Variants in HCN1 observed in about 807,000 individuals in gnomAD.
The protein encoded by HCN1 is hyperpolarization activated cyclic nucleotide gated potassium channel 1.
In HCN1, 13 loss-of-function variants were observed where a neutral mutation model predicts 78.9. The ratio of observed to expected loss-of-function variants is 0.16; its 90% CI spans 0.11 to 0.26. The LOEUF is 0.26. Among genes scored for constraint, HCN1 ranks in the 10% least tolerant of loss-of-function variants. HCN1 has a pLI of 1.00. For missense variants in HCN1, 810 were observed against 1,154.3 expected (o/e 0.70, Z 4.32); for synonymous variants, 552 against 455.5 (o/e 1.21, Z -2.70).
intron 2 of HCN1, among the ~76,000 whole-genome samples, chr5:45,635,072 C>T (rs1050078720): frequency 6.6e-5 from 10 of 151,974 alleles, no homozygotes; most frequent in Non-Finnish European, 1.0e-4. Context: ...ATCTCAGCTA[C>T]GATCCAGAAT....
intron 3 of HCN1, among the ~76,000 whole-genome samples, chr5:45,458,654 G>A (rs530053318): frequency 3.0e-4 from 46 of 152,168 alleles, no homozygotes; most frequent in South Asian, 2.9e-3. Flanking sequence ...GCACAAAACC[G>A]TCCAACATGG....
Position 45,269,848 on chromosome 5 carries a change from T to C in HCN1, c.1619-2595A>G, listed in dbSNP as rs145288822. Among the ~76,000 whole-genome samples the C allele has an allele frequency of 2.1e-3, 326 of 152,288 alleles. 1 individual carries two copies. Among genetic ancestry groups the C allele is most frequent in the African/African-American group, 7.6e-3 (314 of 41,558 alleles). On this transcript the variant is annotated intron_variant, in intron 6 of 7. Transcript: ENST00000303230. ...CTGTTGTCTCTTAACTAAGAGCCTG[T>C]TTAGTATTCTTCCAGGATACCTGCT...
At chr5:45,274,688 A>G (rs1320169097) in intron 6 of HCN1, among the ~76,000 whole-genome samples, 1 of 152,218 alleles carries the variant, frequency 6.6e-6, no homozygotes, top group Non-Finnish European at 1.5e-5. Context: ...TTTGTGATAT[A>G]TAACTATCAT....
intron 5 of HCN1, among the ~76,000 whole-genome samples, chr5:45,318,778 T>TA (rs1398736956): frequency 2.6e-5 from 4 of 151,900 alleles, no homozygotes; most frequent in Admixed American, 1.3e-4. Flanking sequence ...AGTCATTTTT[T>TA]AAAAAATATA....
At chr5:45,538,552 G>C (rs1288557863) in intron 2 of HCN1, among the ~76,000 whole-genome samples, 1 of 152,242 alleles carries the variant, frequency 6.6e-6, no homozygotes, top group South Asian at 2.1e-4. Flanking sequence ...ACTAGGATAT[G>C]ATATAACTAT....
intron 2 of HCN1, among the ~76,000 whole-genome samples, chr5:45,493,523 CTA>C (rs1022370738): frequency 6.6e-6 from 1 of 151,380 alleles, no homozygotes; most frequent in Non-Finnish European, 1.5e-5. Flanking sequence ...CTTTTTGTGT[CTA>C]TGTTTCTACT....
chr5:45,380,838 C>T (rs1309134310), intron 4 of HCN1, among the ~76,000 whole-genome samples: 1 of 152,108 alleles, frequency 6.6e-6, no homozygotes, highest in Non-Finnish European at 1.5e-5. Flanking sequence ...CGAGATAAGA[C>T]ATCCCGTTGC....
chr5:45,462,149 G>C (rs1741175380), intron 2 of HCN1, 142 bp from the exon 3 acceptor site: 2 of 685,166 alleles, frequency 2.9e-6, no homozygotes, highest in African/African-American at 3.6e-5. Flanking sequence ...AATAGAAACA[G>C]ATTACATTTC....
intron 1 of HCN1, among the ~76,000 whole-genome samples, chr5:45,692,511 T>C (rs1305611458): frequency 6.6e-6 from 1 of 152,192 alleles, no homozygotes; most frequent in African/African-American, 2.4e-5. Flanking sequence ...GCTTGTTGTG[T>C]TTACTAAATT....
chr5:45,540,504 T>C (rs1743081633), intron 2 of HCN1, among the ~76,000 whole-genome samples: 1 of 151,880 alleles, frequency 6.6e-6, no homozygotes. Flanking sequence ...AATTTTTACA[T>C]TTTTCTGTAG....
chr5:45,286,849 T>C (rs1745278349), intron 6 of HCN1, among the ~76,000 whole-genome samples: 1 of 152,060 alleles, frequency 6.6e-6, no homozygotes, highest in Non-Finnish European at 1.5e-5. Context: ...GTAAGTTTAA[T>C]ATACACTGAA....
At chr5:45,399,111 C>T (rs1401692657) in intron 3 of HCN1, among the ~76,000 whole-genome samples, 2 of 152,230 alleles carry the variant, frequency 1.3e-5, no homozygotes, top group Non-Finnish European at 2.9e-5. Context: ...CATGGGTGTT[C>T]TCCCTGCCTG....
intron 2 of HCN1, among the ~76,000 whole-genome samples, chr5:45,463,819 C>A (rs558094611): frequency 6.6e-6 from 1 of 152,092 alleles, no homozygotes; most frequent in Admixed American, 6.6e-5. Flanking sequence ...CTGAGAAAAT[C>A]ATTTAAGATG....
At chr5:45,421,125 C>T (rs182909141) in intron 3 of HCN1, among the ~76,000 whole-genome samples, 16 of 151,684 alleles carry the variant, frequency 1.1e-4, no homozygotes, top group Non-Finnish European at 2.4e-4. Context: ...TGCAGTGGTG[C>T]GATCTCAGCT....
intron 2 of HCN1, among the ~76,000 whole-genome samples, chr5:45,469,137 T>G (rs1741337188): frequency 6.6e-6 from 1 of 151,996 alleles, no homozygotes; most frequent in African/African-American, 2.4e-5. Context: ...TAACTGAATC[T>G]ACCCAAATCT....
At chr5:45,298,723 G>T (rs1452760972) in intron 6 of HCN1, among the ~76,000 whole-genome samples, 1 of 151,956 alleles carries the variant, frequency 6.6e-6, no homozygotes, top group African/African-American at 2.4e-5. Flanking sequence ...GTCATACGTG[G>T]CCTTTAAGGA....
At chr5:45,395,279 A>G (rs894213203) in intron 4 of HCN1, among the ~76,000 whole-genome samples, 5 of 152,184 alleles carry the variant, frequency 3.3e-5, no homozygotes, top group Admixed American at 6.5e-5. Flanking sequence ...TCTCCATAAA[A>G]TTAGCCCAAA....
intron 2 of HCN1, among the ~76,000 whole-genome samples, chr5:45,632,213 A>G (rs1478373956): frequency 2.6e-5 from 4 of 152,004 alleles, no homozygotes; most frequent in African/African-American, 9.7e-5. Context: ...AGTTCAAGGT[A>G]CAATGGAATT....
chr5:45,691,772 T>C (rs1362716150), intron 1 of HCN1, among the ~76,000 whole-genome samples: 1 of 152,184 alleles, frequency 6.6e-6, no homozygotes, highest in Admixed American at 6.5e-5. Flanking sequence ...TTATGAACTG[T>C]ATAATATGGG....
Sources: allele counts gnomAD v4.1 joint callset (sites outside exome capture counted in the v4.1 genomes callset), GRCh38; gene constraint gnomAD v4.1.1; transcripts MANE v1.5; gene names NCBI Gene and HGNC (gene_info 2026-07-23, HGNC 2026-07-21).